AGBL1: variants seen among roughly 807,000 people sequenced by gnomAD.
AGBL1 encodes cytosolic carboxypeptidase 4.
Under a neutral mutation model 118.9 loss-of-function variants are expected in AGBL1, and 130 were observed. The ratio of observed to expected loss-of-function variants is 1.09; its 90% CI spans 0.95 to 1.26. The LOEUF (loss-of-function observed/expected upper bound fraction) is 1.26, where lower values mean the gene tolerates loss of function less well. AGBL1 is among the 50% of genes most tolerant of loss of function. The pLI is 0.00. For synonymous variants in AGBL1, 555 were observed against 478.9 expected (o/e 1.16, Z -2.08); for missense variants, 1,584 against 1,298.1 (o/e 1.22, Z -3.38).
intron 18 of AGBL1, among the ~76,000 whole-genome samples, chr15:86,470,725 T>C (rs1293635390): frequency 1.3e-5 from 2 of 152,192 alleles, no homozygotes; most frequent in Admixed American, 6.5e-5. Context: ...CAGTGTTTTA[T>C]AGTTTCAGTG....
chr15:86,357,679 C>A (rs1000228410), intron 17 of AGBL1, among the ~76,000 whole-genome samples: 1 of 152,078 alleles, frequency 6.6e-6, no homozygotes, highest in Non-Finnish European at 1.5e-5. Context: ...TTCTCCAGGG[C>A]ACTTTCTTTG....
intron 21 of AGBL1, among the ~76,000 whole-genome samples, chr15:86,583,311 C>T (rs1043242103): frequency 2.6e-5 from 4 of 151,988 alleles, no homozygotes; most frequent in African/African-American, 9.7e-5. Flanking sequence ...TAGCATACTA[C>T]CTCATATTAA....
chr15:86,831,382 GAGACA>G (rs1258894506), intron 22 of AGBL1, among the ~76,000 whole-genome samples: 1 of 152,144 alleles, frequency 6.6e-6, no homozygotes. Context: ...AGTCTCATCT[GAGACA>G]AGACAAGTCC....
At chr15:86,232,437 T>C (rs1382737739) in intron 6 of AGBL1, among the ~76,000 whole-genome samples, 1 of 152,248 alleles carries the variant, frequency 6.6e-6, no homozygotes, top group African/African-American at 2.4e-5. Flanking sequence ...AATGTAATTT[T>C]GGCCATATTT....
chr15:86,730,472 C>A (rs2077512610), intron 22 of AGBL1, among the ~76,000 whole-genome samples: 1 of 152,154 alleles, frequency 6.6e-6, no homozygotes, highest in Admixed American at 6.5e-5. Context: ...TTTAATCACT[C>A]TTAAACTTTA....
intron 17 of AGBL1, among the ~76,000 whole-genome samples, chr15:86,327,943 A>G (rs1338837042): frequency 6.6e-6 from 1 of 152,180 alleles, no homozygotes; most frequent in Non-Finnish European, 1.5e-5. Context: ...GAAGAAGAAT[A>G]TGGTTTAGGA....
intron 22 of AGBL1, among the ~76,000 whole-genome samples, chr15:86,722,019 A>G (rs1479004878): frequency 3.9e-5 from 6 of 152,118 alleles, no homozygotes; most frequent in African/African-American, 1.4e-4. Flanking sequence ...ATACAAACAA[A>G]TGGAAGAACA....
intron 1 of AGBL1, among the ~76,000 whole-genome samples, chr15:86,118,468 C>T (rs1048861592): frequency 1.5e-5 from 2 of 131,272 alleles, no homozygotes; most frequent in African/African-American, 5.9e-5. Flanking sequence ...ATTATAATTA[C>T]ACTTCAAAAA....
intron 21 of AGBL1, among the ~76,000 whole-genome samples, chr15:86,576,990 A>G (rs941913242): frequency 6.6e-6 from 1 of 152,164 alleles, no homozygotes; most frequent in Non-Finnish European, 1.5e-5. Context: ...TGTACAGTAG[A>G]TTGGTACCAG....
chr15:86,497,924 A>T (rs1240558050), intron 18 of AGBL1, among the ~76,000 whole-genome samples: 1 of 151,856 alleles, frequency 6.6e-6, no homozygotes, highest in Non-Finnish European at 1.5e-5. Flanking sequence ...CTTGTCTGTT[A>T]TCATCCTCCT....
intron 1 of AGBL1, among the ~76,000 whole-genome samples, chr15:86,097,792 A>G (rs1896473913): frequency 6.6e-6 from 1 of 152,074 alleles, no homozygotes; most frequent in African/African-American, 2.4e-5. Flanking sequence ...GGATGCAGGT[A>G]TCTCTTTGAT....
At chr15:86,999,354 G>A (rs908583696) in intron 24 of AGBL1, among the ~76,000 whole-genome samples, 31 of 147,354 alleles carry the variant, frequency 2.1e-4, no homozygotes, top group Admixed American at 8.8e-4. Context: ...TATATCTCCC[G>A]ATGCTATCCC....
chr15:86,815,478 T>C (rs145077317), intron 22 of AGBL1, among the ~76,000 whole-genome samples: 1,858 of 152,234 alleles, frequency 0.012, 25 homozygotes, highest in Middle Eastern at 0.061. Context: ...CCAATCATTT[T>C]TGGCAAAATG....
chr15:86,653,379 C>T (rs868307983), intron 21 of AGBL1, among the ~76,000 whole-genome samples: 1 of 152,142 alleles, frequency 6.6e-6, no homozygotes, highest in Non-Finnish European at 1.5e-5. Context: ...TCCTATAATA[C>T]CACAAAGCCC....
At chr15:86,166,992 C>G (rs2077350883) in intron 5 of AGBL1, among the ~76,000 whole-genome samples, 1 of 152,132 alleles carries the variant, frequency 6.6e-6, no homozygotes. Flanking sequence ...CCTCTAGAGA[C>G]TAGAGGCAGG....
chr15:86,250,828 C>A (rs541148580), intron 7 of AGBL1, among the ~76,000 whole-genome samples: 122 of 152,304 alleles, frequency 8.0e-4, no homozygotes, highest in African/African-American at 2.8e-3. Context: ...CCCTCCTCTC[C>A]CTTCTGCTAG....
chr15:86,279,507 G>A, intron 15 of AGBL1, 132 bp from the exon 16 acceptor site: 2 of 838,702 alleles, frequency 2.4e-6, no homozygotes, highest in Non-Finnish European at 3.7e-6. Context: ...CCACAGAAAT[G>A]TTTCAAGTGA....
intron 22 of AGBL1, among the ~76,000 whole-genome samples, chr15:86,865,489 A>G (rs558760878): frequency 3.3e-5 from 5 of 152,368 alleles, no homozygotes; most frequent in Non-Finnish European, 7.3e-5. Context: ...GGCAGAAAGA[A>G]TCAACTTCTG....
chr15:86,449,159 T>C (rs915928920), intron 18 of AGBL1, among the ~76,000 whole-genome samples: 3 of 151,778 alleles, frequency 2.0e-5, no homozygotes, highest in African/African-American at 7.3e-5. Context: ...AGAAAATAAA[T>C]AGAGATAGGC....
Sources: allele counts gnomAD v4.1 joint callset (sites outside exome capture counted in the v4.1 genomes callset), GRCh38; gene constraint gnomAD v4.1.1; transcripts MANE v1.5; gene names NCBI Gene and HGNC (gene_info 2026-07-23, HGNC 2026-07-21).